PDE11A: variants seen among roughly 807,000 people sequenced by gnomAD.
The protein encoded by PDE11A is phosphodiesterase 11A, also known as dual 3',5'-cyclic-AMP and -GMP phosphodiesterase 11A.
In PDE11A, 100 loss-of-function variants were observed where a neutral mutation model predicts 100.5. The ratio of observed to expected loss-of-function variants is 1.00; its 90% CI spans 0.85 to 1.18. PDE11A has a LOEUF of 1.18. PDE11A is among the 50% of genes most tolerant of loss of function. The pLI, the probability that PDE11A is intolerant of heterozygous loss-of-function variation, is 0.00. For missense variants in PDE11A, 1,141 were observed against 1,152.6 expected (o/e 0.99, Z 0.15); for synonymous variants, 381 against 420.8 (o/e 0.91, Z 1.16).
At chr2:178,023,982 C>T (rs546341888) in intron 1 of PDE11A, among the ~76,000 whole-genome samples, 60 of 152,258 alleles carry the variant, frequency 3.9e-4, no homozygotes, top group Admixed American at 3.7e-3. Flanking sequence ...CACCTGGGAC[C>T]TTTAGGAAAG....
In PDE11A at chr2:177,908,950, C is replaced by T. The variant is rs936805968; in HGVS notation, c.1072-3763G>A. ...TACAATGTACTATCAAGAAAGCATG[C>T]AAATCAGATCGGTATTAGTTCTTTT... On this transcript the variant is annotated intron_variant, in intron 2 of 19. Transcript: ENST00000286063. Among the ~76,000 whole-genome samples the T allele has an allele frequency of 3.3e-5, 5 of 152,190 alleles. No individual in the cohort carries two copies. The East Asian group carries it at 7.7e-4, about 23-fold the overall frequency.
At chr2:177,751,896 A>G (rs1284409428) in intron 10 of PDE11A, among the ~76,000 whole-genome samples, 1 of 152,102 alleles carries the variant, frequency 6.6e-6, no homozygotes, top group Non-Finnish European at 1.5e-5. Context: ...CAACCCCTTG[A>G]GGTGATTCTT....
intron 5 of PDE11A, among the ~76,000 whole-genome samples, chr2:177,853,850 GTATATATATCTATATATGTA>G (rs2083778714): frequency 7.1e-6 from 1 of 140,744 alleles, no homozygotes; most frequent in Non-Finnish European, 1.5e-5. Flanking sequence ...CTATATATGT[GTATATATATCTATATATGTA>G]TATAGATATC....
intron 17 of PDE11A, 78 bp from the exon 18 acceptor site, chr2:177,669,645 T>A (rs1390675453): frequency 1.3e-6 from 1 of 779,932 alleles, no homozygotes; most frequent in Non-Finnish European, 2.3e-6. Context: ...TGCTTATGTA[T>A]TTGGTGATCC....
At chr2:177,675,585 T>A in intron 16 of PDE11A, 67 bp from the exon 17 acceptor site, 1 of 1,126,184 alleles carries the variant, frequency 8.9e-7, no homozygotes, top group South Asian at 1.3e-5. Flanking sequence ...AAACCCGTCC[T>A]AGATACATAA....
chr2:177,729,851 T>C (rs1016131977), intron 10 of PDE11A, among the ~76,000 whole-genome samples: 44 of 148,952 alleles, frequency 3.0e-4, no homozygotes, highest in South Asian at 8.4e-4. Flanking sequence ...TTTTCTTTTT[T>C]CCCCCTTTTT....
chr2:177,762,561 C>G (rs1235343426), intron 10 of PDE11A, among the ~76,000 whole-genome samples: 3 of 152,122 alleles, frequency 2.0e-5, no homozygotes, highest in Non-Finnish European at 4.4e-5. Context: ...CCGCTTTGTT[C>G]CTAGCGCTCT....
chr2:177,979,932 T>C (rs2085860358), intron 2 of PDE11A, among the ~76,000 whole-genome samples: 1 of 150,342 alleles, frequency 6.7e-6, no homozygotes. Context: ...TATCAAACAA[T>C]AGTGAAAACA....
upstream of PDE11A, among the ~76,000 whole-genome samples, chr2:178,075,373 G>A (rs945868814): frequency 1.3e-5 from 2 of 151,836 alleles, no homozygotes; most frequent in Non-Finnish European, 2.9e-5. Flanking sequence ...CCAATATGGC[G>A]AAACCCCATC....
intron 2 of PDE11A, among the ~76,000 whole-genome samples, chr2:177,938,217 T>A (rs189060085): frequency 6.6e-6 from 1 of 152,288 alleles, no homozygotes; most frequent in Non-Finnish European, 1.5e-5. Context: ...CTGCTTAGGA[T>A]GCCTCCAAAA....
intron 2 of PDE11A, among the ~76,000 whole-genome samples, chr2:178,004,867 C>T (rs1372428616): frequency 6.6e-6 from 1 of 152,146 alleles, no homozygotes; most frequent in East Asian, 1.9e-4. Flanking sequence ...CATCCAGTCT[C>T]TTAACTTCCC....
intron 15 of PDE11A, among the ~76,000 whole-genome samples, chr2:177,686,440 G>T (rs1393045123): frequency 6.6e-6 from 1 of 152,108 alleles, no homozygotes; most frequent in African/African-American, 2.4e-5. Context: ...GGAGGCACAC[G>T]CCTGTAGTCC....
rs200923588 is a variant in PDE11A, at chr2:177,905,215, T to C, written c.1072-28A>G. 31 of 1,266,220 alleles carry C rather than the reference T, an allele frequency of 2.4e-5. No homozygotes were observed. The East Asian group carries it at 7.2e-4, about 29-fold the overall frequency. The allele number at this position is 1,266,220 out of a possible 1,614,324, so 78.4% of individuals were successfully genotyped here. The stretch of plus-strand genomic sequence containing the variant: ...GGGACAAAGAGAGTAGTAAGAACAT[T>C]AAAACATAAGAACATTGATACATCC... On this transcript the variant is annotated intron_variant, in intron 2 of 19. Transcript: ENST00000286063.
At chr2:177,905,256 GCA>G (rs2105735745) in intron 2 of PDE11A, 69 bp from the exon 3 acceptor site, 1 of 830,088 alleles carries the variant, frequency 1.2e-6, no homozygotes, top group African/African-American at 1.7e-5. Flanking sequence ...AGACTAAATT[GCA>G]CACTTCTTCT....
chr2:178,055,810 C>G (rs1368326728), intron 1 of PDE11A, among the ~76,000 whole-genome samples: 5 of 151,934 alleles, frequency 3.3e-5, no homozygotes, highest in African/African-American at 1.2e-4. Flanking sequence ...GAAAAGCTGG[C>G]CTTATTATTT....
At chr2:178,050,465 G>T (rs1166831082) in intron 1 of PDE11A, among the ~76,000 whole-genome samples, 1 of 152,192 alleles carries the variant, frequency 6.6e-6, no homozygotes, top group Non-Finnish European at 1.5e-5. Context: ...ACGGAACGCA[G>T]CTCCTCACCA....
intron 1 of PDE11A, among the ~76,000 whole-genome samples, chr2:178,059,166 C>T (rs2086935984): frequency 6.6e-6 from 1 of 152,220 alleles, no homozygotes; most frequent in Admixed American, 6.5e-5. Context: ...CCTGCCCTAG[C>T]TCCATGAGCC....
At chr2:177,876,055 A>T in intron 4 of PDE11A, 132 bp from the exon 5 acceptor site, 1 of 699,510 alleles carries the variant, frequency 1.4e-6, no homozygotes, top group Non-Finnish European at 2.6e-6. Context: ...AAGTGGAGAA[A>T]TCCCAAGACA....
intron 12 of PDE11A, chr2:177,723,340 A>G (rs2081556371): frequency 6.6e-6 from 1 of 152,152 alleles, no homozygotes. Flanking sequence ...CCTCCACATT[A>G]AGATTTAAGA....
Sources: gnomAD v4.1 joint callset for allele counts (sites outside exome capture counted in the v4.1 genomes callset) on GRCh38, gnomAD v4.1.1 for gene constraint, MANE v1.5 for transcripts, NCBI Gene and HGNC (gene_info 2026-07-23, HGNC 2026-07-21) for gene names.